The following KIAA1671 variants were observed in gnomAD, a reference collection of about 807,000 sequenced individuals.
KIAA1671 encodes KIAA1671, also known as uncharacterized protein KIAA1671.
KIAA1671 carries 52 observed loss-of-function variants against 131.2 expected under a neutral mutation model. The observed-to-expected ratio is 0.40, with a 90% CI of 0.32 to 0.50. KIAA1671 has a LOEUF of 0.50. KIAA1671 is among the 20% of genes least tolerant of loss of function. The probability of loss-of-function intolerance (pLI) is 0.73; values close to 1 mark genes in which losing one functional copy is unlikely to be tolerated. For missense variants in KIAA1671, 2,360 were observed against 2,364.2 expected, an observed-to-expected ratio of 1.00 and a Z score of 0.04; for synonymous variants, 1,003 against 961.6, an observed-to-expected ratio of 1.04 and a Z score of -0.80.
chr22:24,964,598 T>A (rs1266891798), intron 1 of KIAA1671, among the ~76,000 whole-genome samples: 1 of 152,088 alleles, frequency 6.6e-6, no homozygotes, highest in African/African-American at 2.4e-5. Flanking sequence ...ATTAAAAAAT[T>A]TTTTTGTAGA....
intron 6 of KIAA1671, among the ~76,000 whole-genome samples, chr22:25,153,864 G>A (rs1336618743): frequency 6.6e-6 from 1 of 152,212 alleles, no homozygotes. Flanking sequence ...TAAGTGCTGG[G>A]GAGCCAGGAT....
chr22:25,040,407 G>C lies in KIAA1671; in HGVS notation c.3277G>C (p.Glu1093Gln), dbSNP rs1216518712. The C allele has an allele frequency of 1.3e-6, 2 of 1,551,880 alleles. No individual in the cohort carries two copies. Among genetic ancestry groups the C allele is most frequent in the Non-Finnish European group, 1.7e-6 (2 of 1,147,070 alleles). Residue 1093 changes from glutamate (E) to glutamine (Q), a missense_variant, in exon 5 of 13, where the codon GAG becomes CAG. Coordinates refer to ENST00000358431, the MANE Select transcript of KIAA1671 (RefSeq NM_001145206.2). The stretch of plus-strand genomic sequence containing the variant: ...CAGTAAAAACTGGATGAAGGGACGA[G>C]AGCATGAAAATGCAAGCATTTTAAA... ...AGSKNWMKGR[E>Q]HENASILKTL...
chr22:25,030,164 C>T (rs920610479), intron 3 of KIAA1671, among the ~76,000 whole-genome samples: 2,333 of 152,184 alleles, frequency 0.015, 24 homozygotes, highest in African/African-American at 0.027. Flanking sequence ...TGGTTAATAC[C>T]GATGTTCTAA....
intron 1 of KIAA1671, among the ~76,000 whole-genome samples, chr22:25,015,619 A>G (rs961614114): frequency 1.3e-4 from 20 of 152,226 alleles, no homozygotes; most frequent in African/African-American, 4.8e-4. Flanking sequence ...AAGGCAAATC[A>G]GCATATTAAA....
At chr22:24,991,946 G>A (rs1043370005) in intron 1 of KIAA1671, among the ~76,000 whole-genome samples, 3 of 152,084 alleles carry the variant, frequency 2.0e-5, no homozygotes, top group Non-Finnish European at 4.4e-5. Context: ...GGAGGTTGGG[G>A]ACTGGGCTTT....
At chr22:25,093,682 G>GACACACACACACAC (rs67802603) in intron 6 of KIAA1671, among the ~76,000 whole-genome samples, 3 of 49,952 alleles carry the variant, frequency 6.0e-5, no homozygotes, top group Non-Finnish European at 1.1e-4. Flanking sequence ...CCTGCCCCCC[G>GACACACACACACAC]ACACACACAC....
chr22:24,976,765 G>A (rs1922937333), intron 1 of KIAA1671, among the ~76,000 whole-genome samples: 1 of 152,114 alleles, frequency 6.6e-6, no homozygotes, highest in South Asian at 2.1e-4. Context: ...GAGACTGCAG[G>A]AGTCTCGTGC....
intron 1 of KIAA1671, among the ~76,000 whole-genome samples, chr22:25,005,365 G>T (rs983958810): frequency 7.3e-6 from 1 of 136,896 alleles, no homozygotes; most frequent in African/African-American, 2.9e-5. Context: ...AAAAAAAAAA[G>T]AAAAAAAGAA....
intron 1 of KIAA1671, among the ~76,000 whole-genome samples, chr22:25,001,557 C>A (rs1217866249): frequency 6.6e-6 from 1 of 152,050 alleles, no homozygotes; most frequent in African/African-American, 2.4e-5. Context: ...GTGGTCTGGA[C>A]TGGGGTGGGG....
chr22:25,079,430 T>C (rs1929283669), intron 6 of KIAA1671, among the ~76,000 whole-genome samples: 1 of 152,090 alleles, frequency 6.6e-6, no homozygotes, highest in Admixed American at 6.5e-5. Flanking sequence ...AATGGGTATG[T>C]GTAAGAACGT....
chr22:24,953,343 G>A (rs1412165293), intron 1 of KIAA1671, among the ~76,000 whole-genome samples: 2 of 152,170 alleles, frequency 1.3e-5, no homozygotes, highest in Non-Finnish European at 2.9e-5. Context: ...CCCGGAGGTG[G>A]AAGTGGGAAG....
rs1925158956 is a variant in KIAA1671, at chr22:25,013,649, A to G, written c.-207-11984A>G. 2.0e-5 allele frequency: 3 copies of G among 152,196 alleles called. No individual in the cohort carries two copies. The South Asian group carries it at 6.2e-4, about 32-fold the overall frequency. The allele number at this position is 152,196 out of a possible 1,614,324, so 9.4% of individuals were successfully genotyped here. ...GTCAAGCATTGTGCTGCTGTGTTTTATGTTGAATTGAGCTTTGGGGTTGAG... is the reference window on the plus strand; with the variant it reads ...GTCAAGCATTGTGCTGCTGTGTTTTGTGTTGAATTGAGCTTTGGGGTTGAG... On this transcript the variant is annotated intron_variant, in intron 1 of 12. Transcript: ENST00000358431.
chr22:24,959,717 G>T (rs1028142933), intron 1 of KIAA1671, among the ~76,000 whole-genome samples: 10 of 152,096 alleles, frequency 6.6e-5, no homozygotes, highest in Admixed American at 3.3e-4. Context: ...AGAAGGAAGG[G>T]GGCAAGGTGA....
intron 1 of KIAA1671, among the ~76,000 whole-genome samples, chr22:24,962,786 C>G (rs565014892): frequency 1.8e-4 from 27 of 152,214 alleles, no homozygotes; most frequent in South Asian, 6.2e-4. Context: ...GAAGCAGATG[C>G]TTTTTGGGGC....
intron 1 of KIAA1671, among the ~76,000 whole-genome samples, chr22:25,016,811 C>G (rs1276238641): frequency 6.6e-6 from 1 of 152,052 alleles, no homozygotes; most frequent in African/African-American, 2.4e-5. Flanking sequence ...TGGGGCTTCA[C>G]CTGGGAGGGT....
intron 6 of KIAA1671, among the ~76,000 whole-genome samples, chr22:25,117,132 T>C (rs774046091): frequency 4.6e-5 from 7 of 152,154 alleles, no homozygotes; most frequent in Non-Finnish European, 1.0e-4. Context: ...AGAATCACAA[T>C]GCCCCCTCCC....
intron 1 of KIAA1671, among the ~76,000 whole-genome samples, chr22:24,995,242 C>T (rs1302731633): frequency 2.6e-5 from 4 of 151,788 alleles, no homozygotes; most frequent in Non-Finnish European, 4.4e-5. Context: ...TTAGTAGAGA[C>T]AGGGTTTCGC....
chr22:25,129,577 T>C (rs1421312210), intron 6 of KIAA1671, among the ~76,000 whole-genome samples: 2 of 151,902 alleles, frequency 1.3e-5, no homozygotes, highest in Non-Finnish European at 2.9e-5. Context: ...TTCCCAGCTT[T>C]GCAATCTACC....
intron 11 of KIAA1671, among the ~76,000 whole-genome samples, chr22:25,188,160 A>T (rs541247135): frequency 6.6e-6 from 1 of 152,032 alleles, no homozygotes; most frequent in Admixed American, 6.5e-5. Flanking sequence ...AATTAGCCGG[A>T]TGTGGTGGCG....
Sources: gnomAD v4.1 joint callset for allele counts (sites outside exome capture counted in the v4.1 genomes callset) on GRCh38, gnomAD v4.1.1 for gene constraint, MANE v1.5 for transcripts, NCBI Gene and HGNC (gene_info 2026-07-23, HGNC 2026-07-21) for gene names.